Variants in BCL11B observed in about 807,000 individuals in gnomAD.
BCL11B encodes the protein BCL11 transcription factor B.
In BCL11B, 8 loss-of-function variants were observed where a neutral mutation model predicts 49.9. That is an observed-to-expected ratio of 0.16 (90% CI 0.09 to 0.29). The LOEUF (loss-of-function observed/expected upper bound fraction) is 0.29. Among genes scored for constraint, BCL11B ranks in the 10% least tolerant of loss-of-function variants. The probability of loss-of-function intolerance (pLI) is 1.00; values close to 1 mark genes in which losing one functional copy is unlikely to be tolerated. For synonymous variants in BCL11B, 739 were observed against 637.4 expected (o/e 1.16, Z -2.40); for missense variants, 1,006 against 1,351.0 (o/e 0.74, Z 4.00).
At chr14:99,204,846 C>T (rs1463881429) in intron 3 of BCL11B, among the ~76,000 whole-genome samples, 1 of 152,240 alleles carries the variant, frequency 6.6e-6, no homozygotes, top group Non-Finnish European at 1.5e-5. Flanking sequence ...GCCTGCATTT[C>T]TCATTCAAAA....
intron 2 of BCL11B, among the ~76,000 whole-genome samples, chr14:99,240,027 T>C (rs1028234192): frequency 6.6e-6 from 1 of 152,198 alleles, no homozygotes; most frequent in African/African-American, 2.4e-5. Flanking sequence ...GATGGAGTCA[T>C]GGATATGAGG....
rs1723354424 is a variant in BCL11B, at chr14:99,170,554, G to T, written c.*3597C>A. 4.3e-6 allele frequency: 1 copy of T among 230,002 alleles called. No individual in the cohort carries two copies. The highest frequency in any genetic ancestry group is 2.2e-5 in the African/African-American group (1 of 44,824). The allele number at this position is 230,002 out of a possible 1,614,324, so 14.2% of individuals were successfully genotyped here. A position where few individuals can be genotyped will look rare whatever the true frequency, so the allele number is the denominator to read the frequency against. Reference sequence around the variant, plus strand: ...AGGGGAGGAACAGACAGGAAGAAAAGAAATTAAATAAAAAATGAAAGAAAA... The same window carrying T: ...AGGGGAGGAACAGACAGGAAGAAAATAAATTAAATAAAAAATGAAAGAAAA... On this transcript the variant is annotated 3_prime_UTR_variant, in exon 4 of 4. Transcript: ENST00000357195.
intron 2 of BCL11B, among the ~76,000 whole-genome samples, chr14:99,251,576 GA>G (rs1314888055): frequency 2.0e-5 from 3 of 152,094 alleles, no homozygotes; most frequent in Non-Finnish European, 4.4e-5. Context: ...ATATGTATGG[GA>G]AAAAATCTAA....
At chr14:99,178,877 C>A (rs1886616178) in intron 3 of BCL11B, among the ~76,000 whole-genome samples, 1 of 152,188 alleles carries the variant, frequency 6.6e-6, no homozygotes, top group Admixed American at 6.5e-5. Flanking sequence ...GTTTTCAAGT[C>A]AGGCCACCTC....
chr14:99,254,800 G>C (rs1459579411), intron 2 of BCL11B, among the ~76,000 whole-genome samples: 11 of 152,344 alleles, frequency 7.2e-5, no homozygotes, highest in Admixed American at 6.5e-4. Flanking sequence ...AAGTGCCCGT[G>C]ATTCCTAGTC....
rs1328120998 is a variant in BCL11B, at chr14:99,175,285, G to A, written c.1551C>T (p.Phe517=). 1.9e-6 allele frequency: 3 copies of A among 1,540,894 alleles called. No individual in the cohort carries two copies. The African/African-American group carries it at 4.1e-5, about 21-fold the overall frequency. ...GCGACGGGTCGCTCTCGTGGTGGCGGAAGTCACCGTCGGCCGCCTTGAGGC... is the reference window on the plus strand; with the variant it reads ...GCGACGGGTCGCTCTCGTGGTGGCGAAAGTCACCGTCGGCCGCCTTGAGGC... ...GEGLKAADGD[F]RHHESDPSLG... is the part of the protein sequence containing the mutation. Residue 517 remains phenylalanine, a synonymous_variant, in exon 4 of 4, where the codon TTC becomes TTT. Transcript: ENST00000357195.
In BCL11B at chr14:99,257,362, G is replaced by T; in HGVS notation, c.427+109C>A. 2 of 1,390,852 alleles carry T rather than the reference G, an allele frequency of 1.4e-6. No individual in the cohort carries two copies. Among genetic ancestry groups the T allele is most frequent in the Admixed American group, 2.4e-5 (1 of 41,634 alleles). 86.2% of individuals were successfully genotyped at this position (1,390,852 alleles called of 1,614,324 possible). A position where few individuals can be genotyped will look rare whatever the true frequency, so the allele number is the denominator to read the frequency against. ...GGGAGCCCCGGCTGGTGGCCCAGAG[G>T]CCATCCTGGAAGCCCCTGGGCCTTC... On this transcript the variant is annotated intron_variant, in intron 2 of 3. Transcript: ENST00000357195. The surrounding 1 kb of genome is among the most constrained non-coding windows in gnomAD (Gnocchi z 6.2).
At position 99,181,191 on chromosome 14, in the gene BCL11B, G is replaced by A. The variant is rs115448471; in HGVS notation, c.641-4996C>T. On this transcript the variant is annotated intron_variant, in intron 3 of 3. Coordinates refer to ENST00000357195, the MANE Select transcript of BCL11B (RefSeq NM_138576.4). Reference sequence around the variant, plus strand: ...GCTGTTCGAGAAGGAGCAGCAAGGAGACACCCTCTCGACTCAAGCAGGGCC... The same window carrying A: ...GCTGTTCGAGAAGGAGCAGCAAGGAAACACCCTCTCGACTCAAGCAGGGCC... Among the ~76,000 whole-genome samples the A allele has an allele frequency of 8.2e-3, 1,244 of 152,332 alleles. 12 individuals carry two copies. The highest frequency in any genetic ancestry group is 0.028 in the African/African-American group (1,150 of 41,582).
chr14:99,229,965 C>T (rs571381131), intron 3 of BCL11B, among the ~76,000 whole-genome samples: 14 of 152,306 alleles, frequency 9.2e-5, no homozygotes, highest in African/African-American at 3.4e-4. Flanking sequence ...AAAAGGGAGC[C>T]GGCGTCTTTG....
At chr14:99,252,182 G>A (rs1020410125) in intron 2 of BCL11B, among the ~76,000 whole-genome samples, 3 of 152,088 alleles carry the variant, frequency 2.0e-5, no homozygotes, top group African/African-American at 7.2e-5. Context: ...ATTCCTCGGT[G>A]CAGACAGAAC....
intron 3 of BCL11B, among the ~76,000 whole-genome samples, chr14:99,218,739 T>G (rs1289364561): frequency 1.3e-5 from 2 of 151,870 alleles, no homozygotes; most frequent in Non-Finnish European, 2.9e-5. Context: ...CCACCTGAAA[T>G]AAGCTGTCCA....
chr14:99,223,056 G>A (rs183944785), intron 3 of BCL11B, among the ~76,000 whole-genome samples: 20 of 152,256 alleles, frequency 1.3e-4, no homozygotes, highest in African/African-American at 4.3e-4. Context: ...GGGTTGGTAC[G>A]AGCTTTGTCT....
At chr14:99,244,480 C>T (rs1888766338) in intron 2 of BCL11B, among the ~76,000 whole-genome samples, 1 of 152,134 alleles carries the variant, frequency 6.6e-6, no homozygotes, top group South Asian at 2.1e-4. Context: ...TCTGCCAGTT[C>T]GTTTTGGACC....
In BCL11B at chr14:99,192,361, TG is replaced by T. The variant is rs1310216516; in HGVS notation, c.641-16167del. ...ACCCCTGTAAGCCCAGCCCTTTAAA[TG>T]GGGAACAGAGCAGGGCTTTCGGGGC... On this transcript the variant is annotated intron_variant, in intron 3 of 3. Coordinates refer to ENST00000357195, the MANE Select transcript of BCL11B (RefSeq NM_138576.4). The surrounding 1 kb of genome is among the most constrained non-coding windows in gnomAD (Gnocchi z 4.0). Among the ~76,000 whole-genome samples the T allele has an allele frequency of 6.6e-6, 1 of 152,130 alleles. No individual in the cohort carries two copies. The highest frequency in any genetic ancestry group is 1.5e-5 in the Non-Finnish European group (1 of 68,022).
chr14:99,188,695 T>C (rs987942212), intron 3 of BCL11B, among the ~76,000 whole-genome samples: 4 of 152,168 alleles, frequency 2.6e-5, no homozygotes, highest in African/African-American at 9.7e-5. Context: ...GGTGTGAATT[T>C]CCTCTGCCCC....
rs1318795904 is a variant in BCL11B, at chr14:99,195,377, C to T, written c.641-19182G>A. ...CTCTGTGGGGCTCCCCCAGCACCTC[C>T]ATTTTGCAGATGAGACCAGAATGCT... On this transcript the variant is annotated intron_variant, in intron 3 of 3. Transcript: ENST00000357195. The surrounding 1 kb of genome is among the most constrained non-coding windows in gnomAD (Gnocchi z 4.7). Among the ~76,000 whole-genome samples, 1 of 152,116 alleles carries T rather than the reference C, an allele frequency of 6.6e-6. No individual in the cohort carries two copies. Among genetic ancestry groups the T allele is most frequent in the Admixed American group, 6.5e-5 (1 of 15,284 alleles).
rs1316760976 is a variant in BCL11B at position 99,262,602 on chromosome 14, C to T, written c.59-4763G>A. Among the ~76,000 whole-genome samples the T allele has an allele frequency of 6.6e-6, 1 of 152,164 alleles. No individual in the cohort carries two copies. Among genetic ancestry groups the T allele is most frequent in the Non-Finnish European group, 1.5e-5 (1 of 68,036 alleles). On this transcript the variant is annotated intron_variant, in intron 1 of 3. Coordinates refer to ENST00000357195, the MANE Select transcript of BCL11B (RefSeq NM_138576.4). The surrounding 1 kb of genome is among the most constrained non-coding windows in gnomAD (Gnocchi z 4.2). ...TTACAAGAAATGTTCAGCATCCATC[C>T]GCCCGAGCTCTGCATCCGACTGGAG... is the stretch of plus-strand genomic sequence containing the variant.
intron 3 of BCL11B, among the ~76,000 whole-genome samples, chr14:99,182,519 T>G (rs997856402): frequency 6.6e-6 from 1 of 152,234 alleles, no homozygotes; most frequent in African/African-American, 2.4e-5. Flanking sequence ...GTGTTGCTTT[T>G]GGCTAGAATT....
intron 3 of BCL11B, among the ~76,000 whole-genome samples, chr14:99,222,838 TTTC>T (rs1285688555): frequency 7.2e-6 from 1 of 139,376 alleles, no homozygotes; most frequent in Non-Finnish European, 1.5e-5. Context: ...TTTATTTCCC[TTTC>T]TTTCTTTCTT....
Sources: allele counts gnomAD v4.1 joint callset (sites outside exome capture counted in the v4.1 genomes callset), GRCh38; gene constraint gnomAD v4.1.1; non-coding constraint Gnocchi (gnomAD v3.1); transcripts MANE v1.5; gene names NCBI Gene and HGNC (gene_info 2026-07-23, HGNC 2026-07-21).